SLC25A42: variants seen among roughly 807,000 people sequenced by gnomAD.
SLC25A42 encodes solute carrier family 25 member 42.
Under a neutral mutation model 34.7 loss-of-function variants are expected in SLC25A42, and 19 were observed. The observed-to-expected ratio is 0.55, with a 90% CI of 0.38 to 0.80. The LOEUF (loss-of-function observed/expected upper bound fraction) is 0.80, where lower values mean the gene tolerates loss of function less well. Among genes scored for constraint, SLC25A42 ranks in the 30% least tolerant of loss-of-function variants. SLC25A42 has a pLI of 0.00. For synonymous variants in SLC25A42, 205 were observed against 191.2 expected (o/e 1.07, Z -0.59); for missense variants, 364 against 441.3 (o/e 0.82, Z 1.57).
At chr19:19,074,350 G>A (rs928286712) in intron 1 of SLC25A42, among the ~76,000 whole-genome samples, 7 of 152,182 alleles carry the variant, frequency 4.6e-5, no homozygotes, top group African/African-American at 9.6e-5. Flanking sequence ...AGATGTGCCC[G>A]GATCCCTTAG....
At chr19:19,091,382 C>T (rs972134500) in intron 1 of SLC25A42, among the ~76,000 whole-genome samples, 3 of 152,006 alleles carry the variant, frequency 2.0e-5, no homozygotes, top group East Asian at 1.9e-4. Context: ...CGCTTGAACC[C>T]GAGAGGTGGA....
At chr19:19,068,878 T>A (rs906237684) in intron 1 of SLC25A42, among the ~76,000 whole-genome samples, 13 of 121,644 alleles carry the variant, frequency 1.1e-4, no homozygotes, top group South Asian at 5.5e-4. Flanking sequence ...ATAAATAAAT[T>A]AGCTGGCCTT....
At chr19:19,091,654 A>T (rs1225435526) in intron 1 of SLC25A42, among the ~76,000 whole-genome samples, 1 of 152,072 alleles carries the variant, frequency 6.6e-6, no homozygotes, top group East Asian at 1.9e-4. Flanking sequence ...AGGCAGGAGG[A>T]CCACTTGAGC....
intron 1 of SLC25A42, among the ~76,000 whole-genome samples, chr19:19,067,802 T>C (rs2059610091): frequency 6.6e-6 from 1 of 152,102 alleles, no homozygotes; most frequent in African/African-American, 2.4e-5. Context: ...GTTAAATCTG[T>C]CTGGGAAGCT....
At chr19:19,107,650 A>T (rs1015331157) in intron 6 of SLC25A42, among the ~76,000 whole-genome samples, 1 of 152,148 alleles carries the variant, frequency 6.6e-6, no homozygotes, top group Non-Finnish European at 1.5e-5. Flanking sequence ...AAAGAAACAA[A>T]AAAAAAGACA....
chr19:19,095,094 G>A (rs114327301), intron 1 of SLC25A42, among the ~76,000 whole-genome samples: 265 of 152,216 alleles, frequency 1.7e-3, no homozygotes, highest in African/African-American at 6.1e-3. Context: ...CCAGGTACTT[G>A]AGAGGCTGAG....
intron 1 of SLC25A42, among the ~76,000 whole-genome samples, chr19:19,095,590 G>A (rs2059760134): frequency 6.6e-6 from 1 of 152,222 alleles, no homozygotes; most frequent in African/African-American, 2.4e-5. Flanking sequence ...TCCAGCCTGG[G>A]TGACAGAGTG....
Position 19,069,896 on chromosome 19 carries a change from G to A in SLC25A42, c.-35+5781G>A, listed in dbSNP as rs973441765. On this transcript the variant is annotated intron_variant, in intron 1 of 7. Coordinates refer to ENST00000318596, the MANE Select transcript of SLC25A42 (RefSeq NM_178526.5). Reference sequence around the variant, plus strand: ...GCTGGACTGCAGTGGTGCGATCTTCGCTCACTGCAACCTCTGCCTCCCAGG... The same window carrying A: ...GCTGGACTGCAGTGGTGCGATCTTCACTCACTGCAACCTCTGCCTCCCAGG... 7.9e-5 allele frequency among the ~76,000 whole-genome samples: 12 copies of A among 151,418 alleles called. No individual in the cohort carries two copies. In the South Asian group the frequency reaches 8.3e-4, roughly 11 times the overall value.
intron 1 of SLC25A42, among the ~76,000 whole-genome samples, chr19:19,075,660 G>A (rs906408360): frequency 5.3e-5 from 8 of 152,182 alleles, no homozygotes; most frequent in Non-Finnish European, 1.0e-4. Context: ...CAGGACTCTG[G>A]CAGGTGCAAG....
intron 1 of SLC25A42, 62 bp downstream of exon 1, chr19:19,064,177 T>A (rs2059588792): frequency 6.6e-6 from 1 of 152,272 alleles, no homozygotes. Context: ...GGCATGACAG[T>A]AGCGTCGCGA....
Position 19,081,089 on chromosome 19 carries a change from C to G in SLC25A42, c.-34-15002C>G, listed in dbSNP as rs1228830766. 6.6e-6 allele frequency among the ~76,000 whole-genome samples: 1 copy of G among 151,596 alleles called. No individual in the cohort carries two copies. Among genetic ancestry groups the G allele is most frequent in the Non-Finnish European group, 1.5e-5 (1 of 67,910 alleles). On this transcript the variant is annotated intron_variant, in intron 1 of 7. Transcript: ENST00000318596. The surrounding 1 kb of genome is among the most constrained non-coding windows in gnomAD (Gnocchi z 4.5). ...GCTGATTGTGCCACTACACTCCTACCTGGGTGACAGAGTGAGACCCTGAAA... is the reference window on the plus strand; with the variant it reads ...GCTGATTGTGCCACTACACTCCTACGTGGGTGACAGAGTGAGACCCTGAAA...
In SLC25A42 at chr19:19,111,544, A is replaced by G; in HGVS notation, c.*668A>G. 6.5e-6 allele frequency: 1 copy of G among 153,090 alleles called. No individual in the cohort carries two copies. Among genetic ancestry groups the G allele is most frequent in the South Asian group, 2.1e-4 (1 of 4,862 alleles). The allele number at this position is 153,090 out of a possible 1,614,324, so 9.5% of individuals were successfully genotyped here. On this transcript the variant is annotated 3_prime_UTR_variant, in exon 8 of 8. Coordinates refer to ENST00000318596, the MANE Select transcript of SLC25A42 (RefSeq NM_178526.5). ...CAAGCAGCTGGGTCCCCAAGAGTGC[A>G]TCTCCCCCTAGAGTTGCCTGCCCAT...
At position 19,104,939 on chromosome 19, in the gene SLC25A42, G is replaced by T. The variant is rs765213281; in HGVS notation, c.213+1G>T. ...GTCTTCAAAAAGATTTTCTGCCAAGGTGAGCCACTATGTCACCGCCCCGGC... is the reference window on the plus strand; with the variant it reads ...GTCTTCAAAAAGATTTTCTGCCAAGTTGAGCCACTATGTCACCGCCCCGGC... On this transcript the variant is annotated splice_donor_variant, in intron 4 of 7. Coordinates refer to ENST00000318596, the MANE Select transcript of SLC25A42 (RefSeq NM_178526.5). LOFTEE classifies it high-confidence loss of function. The T allele has an allele frequency of 1.2e-6, 2 of 1,614,140 alleles. No individual in the cohort carries two copies. Among genetic ancestry groups the T allele is most frequent in the African/African-American group, 2.7e-5 (2 of 75,040 alleles).
Position 19,101,832 on chromosome 19 carries a change from G to A in SLC25A42, c.133G>A (p.Ala45Thr). The change falls in exon 3 of 8, where the codon GCC becomes ACC. Residue 45 changes from alanine to threonine, a missense_variant. Physicochemically the swap from Ala to Thr is moderately conservative, Grantham distance 58. Coordinates refer to ENST00000318596, the MANE Select transcript of SLC25A42 (RefSeq NM_178526.5). ...CCTGCTGTCTGGGGCCCTGGCTGGT[G>A]CCCTTGCCAAAACAGCGGTAGCTCC... is the stretch of plus-strand genomic sequence containing the variant. ...SSLLSGALAG[A>T]LAKTAVAPLD... 6.2e-7 allele frequency: 1 copy of A among 1,613,878 alleles called. No individual in the cohort carries two copies. Among genetic ancestry groups the A allele is most frequent in the Non-Finnish European group, 8.5e-7 (1 of 1,179,880 alleles).
chr19:19,083,965 C>T (rs954263389), intron 1 of SLC25A42, among the ~76,000 whole-genome samples: 9 of 149,622 alleles, frequency 6.0e-5, no homozygotes, highest in African/African-American at 1.7e-4. Context: ...CGTGCCCCTG[C>T]AGGCACCTTC....
intron 1 of SLC25A42, among the ~76,000 whole-genome samples, chr19:19,071,414 G>T (rs2059629454): frequency 6.6e-6 from 1 of 152,158 alleles, no homozygotes; most frequent in African/African-American, 2.4e-5. Flanking sequence ...ACACACATCA[G>T]ACCACCACCA....
At chr19:19,071,319 A>C (rs1272296315) in intron 1 of SLC25A42, among the ~76,000 whole-genome samples, 1 of 152,060 alleles carries the variant, frequency 6.6e-6, no homozygotes, top group African/African-American at 2.4e-5. Flanking sequence ...AAGTGTGTAC[A>C]TCTTAATTTT....
At chr19:19,110,313 A>T (rs1250251062) in intron 7 of SLC25A42, among the ~76,000 whole-genome samples, 3 of 152,164 alleles carry the variant, frequency 2.0e-5, no homozygotes, top group African/African-American at 7.2e-5. Flanking sequence ...ATTGCCCTCC[A>T]GCCTGGGCAA....
intron 1 of SLC25A42, among the ~76,000 whole-genome samples, chr19:19,065,803 G>A (rs142915079): frequency 0.013 from 1,994 of 152,132 alleles, 44 homozygotes; most frequent in Non-Finnish European, 0.014. Context: ...TACATATTTC[G>A]TGTGTGTTAT....
Sources: gnomAD v4.1 joint callset for allele counts (sites outside exome capture counted in the v4.1 genomes callset) on GRCh38, gnomAD v4.1.1 for gene constraint, Gnocchi (gnomAD v3.1) non-coding constraint, MANE v1.5 for transcripts, NCBI Gene and HGNC (gene_info 2026-07-23, HGNC 2026-07-21) for gene names.